The following RIN2 variants were observed in gnomAD, a reference collection of about 807,000 sequenced individuals.
RIN2 encodes the protein RAB5 interacting protein 2.
In RIN2, 36 loss-of-function variants were observed where a neutral mutation model predicts 78.0. The ratio of observed to expected loss-of-function variants is 0.46; its 90% confidence interval spans 0.35 to 0.61. RIN2 has a LOEUF of 0.61. RIN2 is among the 20% of genes least tolerant of loss of function. The probability of loss-of-function intolerance (pLI) is 0.00; values close to 1 mark genes in which losing one functional copy is unlikely to be tolerated. For synonymous variants in RIN2, 466 were observed against 466.8 expected (o/e 1.00, Z 0.02); for missense variants, 1,087 against 1,159.7 (o/e 0.94, Z 0.91).
rs1491501476 is a variant in RIN2 at position 19,837,168 on chromosome 20, CAA to C, written c.-37+37422_-37+37423del. On this transcript the variant is annotated intron_variant, in intron 2 of 12. Transcript: ENST00000255006. ...ACTGAACATCACACACCGCCCCCCC[CAA>C]CACACACACACACACACACACACAC... is the stretch of plus-strand genomic sequence containing the variant. 5.1e-4 allele frequency among the ~76,000 whole-genome samples: 47 copies of C among 91,530 alleles called. No individual in the cohort carries two copies. The East Asian group carries it at 5.6e-3, about 11-fold the overall frequency. 60.0% of individuals were successfully genotyped at this position (91,530 alleles called of 152,430 possible). A position where few individuals can be genotyped will look rare whatever the true frequency, so the allele number is the denominator to read the frequency against.
Position 19,923,425 on chromosome 20 carries a change from T to TAAATAAAATAAAATAAAATAAAATA in RIN2, c.58-11651_58-11627dup, listed in dbSNP as rs561665019. Among the ~76,000 whole-genome samples, 500 of 125,288 alleles carry TAAATAAAATAAAATAAAATAAAATA rather than the reference T, an allele frequency of 4.0e-3. 7 individuals are homozygous for TAAATAAAATAAAATAAAATAAAATA. Among genetic ancestry groups the TAAATAAAATAAAATAAAATAAAATA allele is most frequent in the African/African-American group, 8.6e-3 (257 of 30,052 alleles). 82.2% of individuals were successfully genotyped at this position (125,288 alleles called of 152,430 possible). On this transcript the variant is annotated intron_variant, in intron 3 of 12. Transcript: ENST00000255006. ...AGCGAGACTGTGTCTCAAAATAAAA[T>TAAATAAAATAAAATAAAATAAAATA]AAATAAAATAAAATAAAATAAAATA...
chr20:19,857,033 G>A (rs2037191118), intron 2 of RIN2, among the ~76,000 whole-genome samples: 1 of 152,134 alleles, frequency 6.6e-6, no homozygotes, highest in Non-Finnish European at 1.5e-5. Flanking sequence ...GTACAGCCCA[G>A]TGAACTTTAG....
At position 20,002,090 on chromosome 20, in the gene RIN2, A is replaced by G. The variant is rs1012180500; in HGVS notation, c.*1154A>G. ...TAATGTGGCTTTTGTTGAGTTAAAT[A>G]AGATGCTATATAATGGAGAAGAATT... is the stretch of plus-strand genomic sequence containing the variant. On this transcript the variant is annotated 3_prime_UTR_variant, in exon 13 of 13. Coordinates refer to ENST00000255006, the MANE Select transcript of RIN2 (RefSeq NM_018993.4). The G allele has an allele frequency of 3.3e-5, 5 of 152,456 alleles. No homozygotes were observed. The East Asian group carries it at 7.7e-4, about 23-fold the overall frequency. The allele number at this position is 152,456 out of a possible 1,614,324, so 9.4% of individuals were successfully genotyped here.
intron 2 of RIN2, among the ~76,000 whole-genome samples, chr20:19,879,476 G>A (rs1301202247): frequency 6.6e-6 from 1 of 152,198 alleles, no homozygotes; most frequent in Non-Finnish European, 1.5e-5. Flanking sequence ...TCCGCTGACT[G>A]TCCACATGGA....
chr20:19,818,364 G>T lies in RIN2; in HGVS notation c.-37+18617G>T, dbSNP rs539768042. Among the ~76,000 whole-genome samples the T allele has an allele frequency of 1.8e-4, 27 of 152,322 alleles. No homozygotes were observed. The South Asian group carries it at 5.0e-3, about 28-fold the overall frequency. ...AATGTAAACAATTGTTAATGTTCAT[G>T]GTTGGCAAGAGTGTGAAGTCATGGG... On this transcript the variant is annotated intron_variant, in intron 2 of 12. Transcript: ENST00000255006.
At chr20:19,865,808 A>C (rs911462926) in intron 2 of RIN2, among the ~76,000 whole-genome samples, 9 of 152,082 alleles carry the variant, frequency 5.9e-5, no homozygotes, top group Non-Finnish European at 1.0e-4. Context: ...TATACTTTAC[A>C]AAAATATAAT....
intron 2 of RIN2, among the ~76,000 whole-genome samples, chr20:19,869,432 A>G (rs965708680): frequency 7.9e-5 from 12 of 152,154 alleles, no homozygotes; most frequent in Admixed American, 2.6e-4. Flanking sequence ...CACACTGAAG[A>G]TGGGTTAGCA....
intron 4 of RIN2, among the ~76,000 whole-genome samples, chr20:19,938,570 A>C (rs1355242275): frequency 1.3e-5 from 2 of 151,798 alleles, no homozygotes; most frequent in Admixed American, 6.6e-5. Flanking sequence ...TCTCTCTCCC[A>C]CTAACTTTGT....
In RIN2 at chr20:19,886,365, T is replaced by C. The variant is rs546498533; in HGVS notation, c.-36-3201T>C. ...CTTTCTGCTTTTTAAGGACAGACTT[T>C]GCTTTACCACAGCAGTCGCTCTTGG... On this transcript the variant is annotated intron_variant, in intron 2 of 12. Coordinates refer to ENST00000255006, the MANE Select transcript of RIN2 (RefSeq NM_018993.4). Among the ~76,000 whole-genome samples the C allele has an allele frequency of 3.9e-5, 6 of 152,302 alleles. No individual in the cohort carries two copies. The East Asian group carries it at 9.7e-4, about 25-fold the overall frequency.
intron 2 of RIN2, among the ~76,000 whole-genome samples, chr20:19,881,365 G>A (rs1474206270): frequency 6.6e-6 from 1 of 152,192 alleles, no homozygotes; most frequent in Non-Finnish European, 1.5e-5. Context: ...TAACTAAAGG[G>A]AAGGGTAAAC....
At chr20:19,952,994 A>T (rs1269806175) in intron 4 of RIN2, among the ~76,000 whole-genome samples, 2 of 152,152 alleles carry the variant, frequency 1.3e-5, no homozygotes, top group Non-Finnish European at 1.5e-5. Flanking sequence ...GGCTCACCCC[A>T]CACCTGCAGA....
At chr20:19,784,382 A>G in intron 1 of RIN2, among the ~76,000 whole-genome samples, 1 of 152,128 alleles carries the variant, frequency 6.6e-6, no homozygotes, top group East Asian at 1.9e-4. Context: ...TCCTTGTTTA[A>G]AAAGCTATAT....
At chr20:19,822,466 G>T (rs543483894) in intron 2 of RIN2, among the ~76,000 whole-genome samples, 16 of 152,302 alleles carry the variant, frequency 1.1e-4, no homozygotes, top group African/African-American at 3.6e-4. Context: ...GCCACGAATA[G>T]ATTCTAAACA....
chr20:19,837,299 A>G (rs2123051568), intron 2 of RIN2, among the ~76,000 whole-genome samples: 1 of 150,762 alleles, frequency 6.6e-6, no homozygotes, highest in East Asian at 1.9e-4. Flanking sequence ...GAAATAATAT[A>G]CTTGAGAATT....
At chr20:19,917,527 TC>T (rs1462369520) in intron 3 of RIN2, among the ~76,000 whole-genome samples, 1 of 152,194 alleles carries the variant, frequency 6.6e-6, no homozygotes, top group African/African-American at 2.4e-5. Flanking sequence ...CTCTAATCAC[TC>T]CACTCGGGAA....
chr20:19,842,851 T>C (rs149483094), intron 2 of RIN2, among the ~76,000 whole-genome samples: 75 of 152,036 alleles, frequency 4.9e-4, no homozygotes, highest in Non-Finnish European at 5.1e-4. Context: ...CAAAATACAT[T>C]GAAAAATCTT....
chr20:19,843,248 G>A (rs2036636050), intron 2 of RIN2, among the ~76,000 whole-genome samples: 1 of 152,122 alleles, frequency 6.6e-6, no homozygotes, highest in Admixed American at 6.5e-5. Flanking sequence ...TAAAGTAGTG[G>A]CAGGATTTGA....
At chr20:19,942,157 A>G (rs1403583161) in intron 4 of RIN2, among the ~76,000 whole-genome samples, 1 of 151,762 alleles carries the variant, frequency 6.6e-6, no homozygotes, top group African/African-American at 2.4e-5. Flanking sequence ...GATCATATTT[A>G]CCAAAATACC....
At chr20:19,886,840 G>A in intron 2 of RIN2, 1 of 1,028,252 alleles carries the variant, frequency 9.7e-7, no homozygotes. Flanking sequence ...TGAAGCTGCT[G>A]GGGTGACATC....
Sources: gnomAD v4.1 joint callset for allele counts (sites outside exome capture counted in the v4.1 genomes callset) on GRCh38, gnomAD v4.1.1 for gene constraint, MANE v1.5 for transcripts, NCBI Gene and HGNC (gene_info 2026-07-23, HGNC 2026-07-21) for gene names.